Variants in OSMR observed in about 807,000 individuals in gnomAD.
OSMR encodes the protein oncostatin M receptor, also known as oncostatin-M-specific receptor subunit beta.
A neutral mutation model predicts 99.9 loss-of-function variants in OSMR; 81 were observed. The ratio of observed to expected loss-of-function variants is 0.81; its 90% CI spans 0.68 to 0.97. The LOEUF is 0.97. OSMR is among the 50% of genes least tolerant of loss of function. The pLI, the probability that OSMR is intolerant of heterozygous loss-of-function variation, is 0.00. For missense variants in OSMR, 1,099 were observed against 1,153.4 expected, an observed-to-expected ratio of 0.95 and a Z score of 0.68; for synonymous variants, 406 against 410.4, an observed-to-expected ratio of 0.99 and a Z score of 0.13.
intron 2 of OSMR, among the ~76,000 whole-genome samples, chr5:38,869,858 A>C (rs2112245386): frequency 6.6e-6 from 1 of 152,092 alleles, no homozygotes; most frequent in East Asian, 1.9e-4. Context: ...AAAGCTTTAC[A>C]TTTTCCTCTT....
chr5:38,857,646 C>T (rs1740957584), intron 1 of OSMR, among the ~76,000 whole-genome samples: 4 of 151,652 alleles, frequency 2.6e-5, no homozygotes, highest in African/African-American at 9.7e-5. Flanking sequence ...ACATTTAAAA[C>T]TCTCTCTTCT....
At position 38,861,815 on chromosome 5, in the gene OSMR, G is replaced by C. The variant is rs546961617; in HGVS notation, c.-13-7217G>C. 1.9e-4 allele frequency among the ~76,000 whole-genome samples: 28 copies of C among 148,816 alleles called. 1 individual carries two copies. In the South Asian group the frequency reaches 4.7e-3, roughly 25 times the overall value. Reference sequence around the variant, plus strand: ...AGAGGGGCTCCTCACCTCCCAGTAGGGGCGGCTGGGCAGAGGCGCCCCTCA... The same window carrying C: ...AGAGGGGCTCCTCACCTCCCAGTAGCGGCGGCTGGGCAGAGGCGCCCCTCA... On this transcript the variant is annotated intron_variant, in intron 1 of 17. Coordinates refer to ENST00000274276, the MANE Select transcript of OSMR (RefSeq NM_003999.3).
intron 7 of OSMR, among the ~76,000 whole-genome samples, chr5:38,892,623 A>G (rs568430853): frequency 6.6e-6 from 1 of 152,276 alleles, no homozygotes; most frequent in South Asian, 2.1e-4. Flanking sequence ...CAGTACTGCC[A>G]CATCGGAGAA....
chr5:38,846,589 C>G (rs1739839001), intron 1 of OSMR, among the ~76,000 whole-genome samples: 4 of 152,222 alleles, frequency 2.6e-5, no homozygotes, highest in Admixed American at 2.6e-4. Context: ...TCCCCTACCT[C>G]TCCTCTCGTA....
chr5:38,932,199 G>C (rs3763100), intron 16 of OSMR, among the ~76,000 whole-genome samples: 2,831 of 152,206 alleles, frequency 0.019, 58 homozygotes, highest in African/African-American at 0.052. Flanking sequence ...AACAGCAATA[G>C]CTAATATTTA....
downstream of OSMR, chr5:38,939,782 T>G (rs983391552): frequency 4.4e-6 from 1 of 226,568 alleles, no homozygotes; most frequent in African/African-American, 2.2e-5. Flanking sequence ...TATTCTATAG[T>G]CTGTAATATC....
intron 1 of OSMR, among the ~76,000 whole-genome samples, chr5:38,855,758 C>G (rs1740789208): frequency 6.6e-6 from 1 of 150,858 alleles, no homozygotes; most frequent in Non-Finnish European, 1.5e-5. Flanking sequence ...TTGTCCCTCA[C>G]TTCACTGTTG....
intron 1 of OSMR, among the ~76,000 whole-genome samples, chr5:38,868,415 C>T (rs1742107626): frequency 6.6e-6 from 1 of 152,152 alleles, no homozygotes; most frequent in Non-Finnish European, 1.5e-5. Flanking sequence ...AATTGTATCT[C>T]CCAGAATTCC....
rs759414882 is a variant in OSMR at position 38,918,822 on chromosome 5, T to C, written c.1363-18T>C. On this transcript the variant is annotated intron_variant, in intron 10 of 17. Coordinates refer to ENST00000274276, the MANE Select transcript of OSMR (RefSeq NM_003999.3). ...CAATTAAAACCCATTTAAAAATGTT[T>C]ATCAATATTTTTTTCAGCCATTATC... 3.1e-6 allele frequency: 5 copies of C among 1,612,104 alleles called. No individual in the cohort carries two copies. The highest frequency in any genetic ancestry group is 4.2e-6 in the Non-Finnish European group (5 of 1,178,188).
chr5:38,897,969 C>G (rs932703378), intron 7 of OSMR, among the ~76,000 whole-genome samples: 1 of 152,022 alleles, frequency 6.6e-6, no homozygotes, highest in African/African-American at 2.4e-5. Flanking sequence ...GAGAAGATGC[C>G]TGATATTATT....
At chr5:38,883,628 G>A (rs1384107962) in intron 4 of OSMR, 199 bp from the exon 5 acceptor site, 1 of 846,036 alleles carries the variant, frequency 1.2e-6, no homozygotes, top group Admixed American at 6.2e-5. Context: ...AGTGGTATCA[G>A]TGTAACAATA....
At chr5:38,912,472 T>A (rs1035722057) in intron 9 of OSMR, among the ~76,000 whole-genome samples, 3 of 152,082 alleles carry the variant, frequency 2.0e-5, no homozygotes, top group African/African-American at 7.2e-5. Flanking sequence ...ATTGGAAGAA[T>A]CAATATCATT....
At position 38,876,241 on chromosome 5, in the gene OSMR, A is replaced by G; in HGVS notation, c.114A>G (p.Lys38=). 2 of 1,613,866 alleles carry G rather than the reference A, an allele frequency of 1.2e-6. No homozygotes were observed. The highest frequency in any genetic ancestry group is 1.7e-6 in the Non-Finnish European group (2 of 1,179,848). Residue 38 remains lysine (K), a synonymous_variant, in exon 3 of 18, where the codon AAA becomes AAG. Transcript: ENST00000274276. ...TACCATTGACTCCTGTATCACTTAA[A>G]GTTTCCACCAATTCTACGCGTCAGA... The part of the protein sequence containing the change: ...ERLPLTPVSL[K]VSTNSTRQSL...
chr5:38,924,991 C>A, intron 14 of OSMR: 1 of 618,498 alleles, frequency 1.6e-6, no homozygotes, highest in Non-Finnish European at 2.0e-6. Flanking sequence ...ACCCCTTGTT[C>A]AGTGGATTTT....
At chr5:38,917,438 T>C in intron 9 of OSMR, 108 bp from the exon 10 acceptor site, 1 of 1,525,468 alleles carries the variant, frequency 6.6e-7, no homozygotes, top group Admixed American at 1.8e-5. Context: ...GAGGCAAGCC[T>C]CAGGTTGGAC....
chr5:38,876,040 C>T, intron 2 of OSMR, 161 bp from the exon 3 acceptor site: 1 of 550,562 alleles, frequency 1.8e-6, no homozygotes, highest in Non-Finnish European at 2.3e-6. Flanking sequence ...TAAGTGATTT[C>T]TAAATTCTCT....
intron 1 of OSMR, among the ~76,000 whole-genome samples, chr5:38,856,221 T>C (rs994029090): frequency 2.6e-5 from 4 of 152,230 alleles, no homozygotes; most frequent in African/African-American, 9.7e-5. Context: ...TGTTTTTTCA[T>C]ACTGCATCAG....
chr5:38,919,334 AG>A (rs1746115399), intron 11 of OSMR: 2 of 1,405,390 alleles, frequency 1.4e-6, no homozygotes, highest in Non-Finnish European at 1.9e-6. Context: ...AATTTATTCA[AG>A]TAACTGCAAC....
intron 1 of OSMR, among the ~76,000 whole-genome samples, chr5:38,851,948 C>T (rs1740394522): frequency 6.6e-6 from 1 of 152,164 alleles, no homozygotes; most frequent in Admixed American, 6.5e-5. Context: ...TGAAATGTGC[C>T]TTTCTCCTTC....
Sources: gnomAD v4.1 joint callset for allele counts (sites outside exome capture counted in the v4.1 genomes callset) on GRCh38, gnomAD v4.1.1 for gene constraint, MANE v1.5 for transcripts, NCBI Gene and HGNC (gene_info 2026-07-23, HGNC 2026-07-21) for gene names.